The following LRP1B variants were observed in gnomAD, a reference collection of about 807,000 sequenced individuals.
The protein encoded by LRP1B is LDL receptor related protein 1B, also known as low-density lipoprotein receptor-related protein 1B.
In LRP1B, 217 loss-of-function variants were observed where a neutral mutation model predicts 556.6. That is an observed-to-expected ratio of 0.39 (90% confidence interval 0.35 to 0.44). LRP1B has a LOEUF of 0.44. LRP1B is among the 20% of genes least tolerant of loss of function. The probability of loss-of-function intolerance (pLI) is 1.00; values close to 1 mark genes in which losing one functional copy is unlikely to be tolerated. For synonymous variants in LRP1B, 2,047 were observed against 1,865.8 expected, an observed-to-expected ratio of 1.10 and a Z score of -2.50; for missense variants, 5,053 against 5,620.8, an observed-to-expected ratio of 0.90 and a Z score of 3.23.
intron 3 of LRP1B, among the ~76,000 whole-genome samples, chr2:141,450,705 A>C (rs890390462): frequency 6.6e-6 from 1 of 152,078 alleles, no homozygotes; most frequent in African/African-American, 2.4e-5. Context: ...TAATGCACAT[A>C]AATAAATCTT....
At chr2:141,335,771 A>G (rs987177566) in intron 3 of LRP1B, among the ~76,000 whole-genome samples, 18 of 152,192 alleles carry the variant, frequency 1.2e-4, no homozygotes, top group African/African-American at 4.3e-4. Flanking sequence ...CTTTTTAGGA[A>G]GGGAGGGACA....
chr2:140,642,760 C>T (rs1205194829), intron 41 of LRP1B, among the ~76,000 whole-genome samples: 1 of 152,134 alleles, frequency 6.6e-6, no homozygotes, highest in Admixed American at 6.5e-5. Flanking sequence ...AGGAGAATGG[C>T]GTGAACCCGG....
rs572337743 is a variant in LRP1B at position 141,810,441 on chromosome 2, T to C, written c.83-40A>G. 2.1e-5 allele frequency: 34 copies of C among 1,605,876 alleles called. 1 individual carries two copies. In the African/African-American group the frequency reaches 3.1e-4, roughly 15 times the overall value. Reference sequence around the variant, plus strand: ...GTTTCGAAATAAAATATGAATGATCTGAACATGGGCAGAACGAGCAGTACA... The same window carrying C: ...GTTTCGAAATAAAATATGAATGATCCGAACATGGGCAGAACGAGCAGTACA... On this transcript the variant is annotated intron_variant, in intron 1 of 90. Coordinates refer to ENST00000389484, the MANE Select transcript of LRP1B (RefSeq NM_018557.3).
At chr2:141,712,972 C>T (rs375355462) in intron 2 of LRP1B, among the ~76,000 whole-genome samples, 71 of 151,840 alleles carry the variant, frequency 4.7e-4, no homozygotes, top group African/African-American at 1.6e-3. Context: ...GCCACGACGT[C>T]CAGCCAATTA....
At chr2:141,919,762 A>C (rs1471276697) in intron 1 of LRP1B, among the ~76,000 whole-genome samples, 1 of 152,058 alleles carries the variant, frequency 6.6e-6, no homozygotes, top group Non-Finnish European at 1.5e-5. Context: ...ACAATACGTA[A>C]CATTTGAATA....
chr2:140,614,737 A>G (rs1362331638), intron 41 of LRP1B, among the ~76,000 whole-genome samples: 2 of 152,156 alleles, frequency 1.3e-5, no homozygotes, highest in East Asian at 3.8e-4. Flanking sequence ...ACTACCTCTC[A>G]ATAGAATCTC....
At chr2:141,304,648 G>GT (rs1479990436) in intron 3 of LRP1B, among the ~76,000 whole-genome samples, 2 of 150,454 alleles carry the variant, frequency 1.3e-5, no homozygotes, top group Admixed American at 6.6e-5. Context: ...CCCAGCTATT[G>GT]TTTTTTTCTA....
intron 66 of LRP1B, among the ~76,000 whole-genome samples, chr2:140,399,795 A>T (rs185482612): frequency 6.6e-6 from 1 of 152,366 alleles, no homozygotes; most frequent in East Asian, 1.9e-4. Context: ...CCATTGTGAT[A>T]GATGATAATG....
At chr2:141,485,775 C>A (rs111434183) in intron 2 of LRP1B, among the ~76,000 whole-genome samples, 354 of 152,182 alleles carry the variant, frequency 2.3e-3, no homozygotes, top group African/African-American at 8.0e-3. Flanking sequence ...ATAATGGGGG[C>A]TTCATGAATT....
At chr2:141,305,815 T>A (rs572222508) in intron 3 of LRP1B, among the ~76,000 whole-genome samples, 1 of 152,310 alleles carries the variant, frequency 6.6e-6, no homozygotes, top group East Asian at 1.9e-4. Flanking sequence ...TTGAATTTTA[T>A]CAATTTCTTC....
intron 1 of LRP1B, among the ~76,000 whole-genome samples, chr2:141,814,401 G>T (rs1004591290): frequency 6.6e-6 from 1 of 152,088 alleles, no homozygotes; most frequent in African/African-American, 2.4e-5. Context: ...TCAGGATCTG[G>T]CTTACTTTTG....
chr2:140,839,830 C>T (rs954605090), intron 31 of LRP1B, among the ~76,000 whole-genome samples, 161 bp downstream of exon 31: 10 of 152,112 alleles, frequency 6.6e-5, no homozygotes, highest in Middle Eastern at 3.2e-3. Context: ...GACTAATAAA[C>T]CTAACAGAAA....
At chr2:141,584,495 A>G (rs756356987) in intron 2 of LRP1B, among the ~76,000 whole-genome samples, 9 of 152,176 alleles carry the variant, frequency 5.9e-5, no homozygotes, top group Non-Finnish European at 1.2e-4. Flanking sequence ...CACAAGAAAT[A>G]TTTCATAATT....
intron 1 of LRP1B, among the ~76,000 whole-genome samples, chr2:141,975,583 G>T (rs75937298): frequency 6.6e-6 from 1 of 152,066 alleles, no homozygotes; most frequent in Non-Finnish European, 1.5e-5. Context: ...CCCTTCAGCT[G>T]TAATGTGTTA....
Position 141,787,028 on chromosome 2 carries a change from T to G in LRP1B, c.205+23251A>C, listed in dbSNP as rs1221607287. ...TTACAATGTTATGCATTTTATATCC[T>G]TTTGTATTAAATTCACTAATATTTG... On this transcript the variant is annotated intron_variant, in intron 2 of 90. Transcript: ENST00000389484. 2.0e-5 allele frequency among the ~76,000 whole-genome samples: 3 copies of G among 151,958 alleles called. No individual in the cohort carries two copies. The East Asian group carries it at 5.8e-4, about 29-fold the overall frequency.
At chr2:140,812,488 A>G (rs1690963152) in intron 32 of LRP1B, among the ~76,000 whole-genome samples, 1 of 152,076 alleles carries the variant, frequency 6.6e-6, no homozygotes, top group Non-Finnish European at 1.5e-5. Flanking sequence ...ATCAAAGATG[A>G]TAAAAATATT....
At position 140,534,073 on chromosome 2, in the gene LRP1B, T is replaced by C; in HGVS notation, c.7710A>G (p.Leu2570=). ...YNRRCIPHGK[L]CDGENDCGDN... ...CTCCGCAGTCATTTTCTCCATCACA[T>C]AACTTGCCATGAGGAATGCAGCGGC... Residue 2570 remains leucine, a synonymous_variant, in exon 47 of 91, where the codon TTA becomes TTG. Transcript: ENST00000389484. The C allele has an allele frequency of 1.9e-6, 3 of 1,613,472 alleles. No homozygotes were observed. The highest frequency in any genetic ancestry group is 3.3e-5 in the Admixed American group (2 of 59,968).
intron 7 of LRP1B, among the ~76,000 whole-genome samples, chr2:141,091,511 G>A (rs531301455): frequency 6.6e-6 from 1 of 152,234 alleles, no homozygotes; most frequent in South Asian, 2.1e-4. Context: ...CCAGGGACTC[G>A]TTTCCTCCCA....
At chr2:140,247,476 T>G (rs998935107) in intron 86 of LRP1B, among the ~76,000 whole-genome samples, 1 of 151,624 alleles carries the variant, frequency 6.6e-6, no homozygotes, top group Admixed American at 6.6e-5. Flanking sequence ...TTGAGAGTTA[T>G]GGAAAATTAC....
Sources: gnomAD v4.1 joint callset for allele counts (sites outside exome capture counted in the v4.1 genomes callset) on GRCh38, gnomAD v4.1.1 for gene constraint, MANE v1.5 for transcripts, NCBI Gene and HGNC (gene_info 2026-07-23, HGNC 2026-07-21) for gene names.